Variants in AARS1 observed in about 807,000 individuals in gnomAD.
The protein encoded by AARS1 is alanyl-tRNA synthetase 1, also known as alanine--tRNA ligase, cytoplasmic.
In AARS1, 72 loss-of-function variants were observed where a neutral mutation model predicts 108.9. The ratio of observed to expected loss-of-function variants is 0.66; its 90% CI spans 0.55 to 0.80. AARS1 has a LOEUF of 0.80. Among genes scored for constraint, AARS1 ranks in the 30% least tolerant of loss-of-function variants. The pLI, the probability that AARS1 is intolerant of heterozygous loss-of-function variation, is 0.00. For synonymous variants in AARS1, 489 were observed against 465.7 expected (o/e 1.05, Z -0.64); for missense variants, 1,193 against 1,233.2 (o/e 0.97, Z 0.49).
At chr16:70,287,026 C>T (rs1451405860) in intron 1 of AARS1, among the ~76,000 whole-genome samples, 6 of 149,054 alleles carry the variant, frequency 4.0e-5, no homozygotes, top group East Asian at 2.0e-4. Context: ...CCGAGGCGGG[C>T]GGATCACGAG....
chr16:70,261,192 T>C, intron 12 of AARS1, 35 bp from the exon 13 acceptor site: 1 of 1,500,562 alleles, frequency 6.7e-7, no homozygotes, highest in African/African-American at 1.4e-5. Flanking sequence ...AATAAATAAA[T>C]CCTTAAAAAC....
intron 13 of AARS1, among the ~76,000 whole-genome samples, chr16:70,260,370 G>A (rs1960103389): frequency 6.6e-6 from 1 of 152,088 alleles, no homozygotes; most frequent in Non-Finnish European, 1.5e-5. Flanking sequence ...GTATCAGCTT[G>A]AGCTTTTTAG....
At position 70,271,777 on chromosome 16, in the gene AARS1, C is replaced by T. The variant is rs760839902; in HGVS notation, c.671+4G>A. 6.2e-7 allele frequency: 1 copy of T among 1,613,876 alleles called. No individual in the cohort carries two copies. Among genetic ancestry groups the T allele is most frequent in the African/African-American group, 1.3e-5 (1 of 74,922 alleles). On this transcript the variant is annotated splice_donor_region_variant and intron_variant, in intron 5 of 20. Transcript: ENST00000261772. ...AAAGGAATGGAGTAGGAACCCAAGG[C>T]TACCTGTTATACTGGATGAACACAA...
At chr16:70,284,167 G>C (rs141045868) in intron 1 of AARS1, among the ~76,000 whole-genome samples, 2 of 151,776 alleles carry the variant, frequency 1.3e-5, no homozygotes, top group Non-Finnish European at 2.9e-5. Flanking sequence ...TTAGCCGGGC[G>C]TGGTGGCAGG....
rs1412733895 is a variant in AARS1, at chr16:70,252,496, C to A, written c.*225G>T. On this transcript the variant is annotated 3_prime_UTR_variant, in exon 21 of 21. Transcript: ENST00000261772. ...TATCTATAGATGCGAGCGTGACGATCAACAGCAATGCGGGGTTAGTGGTTC... is the reference window on the plus strand; with the variant it reads ...TATCTATAGATGCGAGCGTGACGATAAACAGCAATGCGGGGTTAGTGGTTC... 3 of 589,158 alleles carry A rather than the reference C, an allele frequency of 5.1e-6. No homozygotes were observed. The highest frequency in any genetic ancestry group is 9.1e-6 in the Non-Finnish European group (3 of 330,250). 36.5% of individuals were successfully genotyped at this position (589,158 alleles called of 1,614,324 possible).
In AARS1 at chr16:70,262,361, A is replaced by G. The variant is rs148659998; in HGVS notation, c.1656T>C (p.Asp552=). 136 of 1,614,194 alleles carry G rather than the reference A, an allele frequency of 8.4e-5. No homozygotes were observed. The East Asian group carries it at 3.0e-3, about 35-fold the overall frequency. The change falls in exon 12 of 21, where the codon GAT becomes GAC. Residue 552 remains aspartate (D), a synonymous_variant. Transcript: ENST00000261772. ...GTTGGCTCACATCTTCACTGCTGTC[A>G]TCCACCTTCACCAGGTAGCCTTCGT... ...IYDEGYLVKV[D]DSSEDKTEFT...
At chr16:70,289,048 C>A (rs1416891959) in intron 1 of AARS1, among the ~76,000 whole-genome samples, 2 of 151,452 alleles carry the variant, frequency 1.3e-5, no homozygotes, top group Admixed American at 6.6e-5. Flanking sequence ...GCGCCTGGAC[C>A]GGCATCAGCT....
At chr16:70,263,964 C>A (rs981198072) in intron 11 of AARS1, among the ~76,000 whole-genome samples, 2 of 151,988 alleles carry the variant, frequency 1.3e-5, no homozygotes, top group Non-Finnish European at 2.9e-5. Flanking sequence ...ATACTATTAT[C>A]CGGTCGGGCG....
rs1324313004 is a variant in AARS1 at position 70,265,723 on chromosome 16, C to G, written c.1223-61G>C. On this transcript the variant is annotated intron_variant, in intron 9 of 20. Coordinates refer to ENST00000261772, the MANE Select transcript of AARS1 (RefSeq NM_001605.3). The stretch of plus-strand genomic sequence containing the variant: ...GACAGCCCCTTTTCCATGCCAAGCC[C>G]TCCAAAAGGATGCTGGGACTGGCAG... The G allele has an allele frequency of 3.1e-6, 5 of 1,605,078 alleles. No homozygotes were observed. The African/African-American group carries it at 6.7e-5, about 21-fold the overall frequency.
chr16:70,281,428 G>A (rs917524598), intron 2 of AARS1, among the ~76,000 whole-genome samples: 1 of 152,176 alleles, frequency 6.6e-6, no homozygotes, highest in Non-Finnish European at 1.5e-5. Flanking sequence ...CACTTTGGGA[G>A]GCTGAGGTGG....
rs1294076779 is a variant in AARS1 at position 70,261,164 on chromosome 16, G to A, written c.1672-7C>T. The A allele has an allele frequency of 3.1e-6, 5 of 1,603,158 alleles. No individual in the cohort carries two copies. The highest frequency in any genetic ancestry group is 2.7e-5 in the African/African-American group (2 of 74,624). On this transcript the variant is annotated splice_polypyrimidine_tract_variant and splice_region_variant and intron_variant, in intron 12 of 20. Transcript: ENST00000261772. ...TCACTGTAAACTCTGTTTTCTAAGA[G>A]GGGTCAAGGAAGAGACCAATAAATA...
chr16:70,285,505 G>A (rs1222628813), intron 1 of AARS1, among the ~76,000 whole-genome samples: 4 of 151,846 alleles, frequency 2.6e-5, no homozygotes, highest in East Asian at 1.9e-4. Flanking sequence ...CTGGAGCGCT[G>A]TGGCGCAATC....
At chr16:70,265,382 C>G in intron 10 of AARS1, 156 bp downstream of exon 10, 2 of 1,208,542 alleles carry the variant, frequency 1.7e-6, no homozygotes, top group South Asian at 2.5e-5. Flanking sequence ...GCCAATTACT[C>G]CCTGGAAGGC....
At chr16:70,280,371 C>T (rs1185369851) in intron 2 of AARS1, among the ~76,000 whole-genome samples, 2 of 152,170 alleles carry the variant, frequency 1.3e-5, no homozygotes, top group Admixed American at 1.3e-4. Context: ...GGAGACCAGT[C>T]TCACTGTGTT....
chr16:70,266,534 CT>C (rs374582892), intron 9 of AARS1, among the ~76,000 whole-genome samples: 17 of 147,976 alleles, frequency 1.1e-4, no homozygotes, highest in African/African-American at 4.2e-4. Flanking sequence ...TTTTCTATTT[CT>C]TTTTTTTTGA....
intron 4 of AARS1, among the ~76,000 whole-genome samples, chr16:70,275,661 G>A (rs1264447494): frequency 1.3e-5 from 2 of 151,892 alleles, no homozygotes; most frequent in Non-Finnish European, 2.9e-5. Context: ...TACTCGGGAG[G>A]CTGAGGCAGG....
chr16:70,276,921 A>T, intron 3 of AARS1, 45 bp downstream of exon 3: 1 of 1,599,068 alleles, frequency 6.3e-7, no homozygotes, highest in Non-Finnish European at 8.6e-7. Context: ...TGTGGAAAAG[A>T]CCATTTTCCT....
chr16:70,254,142 G>A, intron 17 of AARS1, 104 bp from the exon 18 acceptor site: 1 of 1,515,610 alleles, frequency 6.6e-7, no homozygotes, highest in Non-Finnish European at 9.1e-7. Context: ...TAGTGTCCTG[G>A]AAAGGAAAGC....
At position 70,253,524 on chromosome 16, in the gene AARS1, C is replaced by T. The variant is rs1959899641; in HGVS notation, c.2608-143G>A. 5 of 1,027,460 alleles carry T rather than the reference C, an allele frequency of 4.9e-6. No homozygotes were observed. In the Admixed American group the frequency reaches 1.0e-4, roughly 20 times the overall value. 63.6% of individuals were successfully genotyped at this position (1,027,460 alleles called of 1,614,324 possible). On this transcript the variant is annotated intron_variant, in intron 19 of 20. Transcript: ENST00000261772. ...GTGCCCAGGGCCTGTGGGGAGGACC[C>T]CAGCGCCGGGCCCTGCCCCTACCCT... is the stretch of plus-strand genomic sequence containing the variant.
Sources: gnomAD v4.1 joint callset for allele counts (sites outside exome capture counted in the v4.1 genomes callset) on GRCh38, gnomAD v4.1.1 for gene constraint, MANE v1.5 for transcripts, NCBI Gene and HGNC (gene_info 2026-07-23, HGNC 2026-07-21) for gene names.